Variants in TENM4 observed in about 807,000 individuals in gnomAD.
TENM4 encodes teneurin-4.
TENM4 carries 82 observed loss-of-function variants against 243.3 expected under a neutral mutation model. That is an observed-to-expected ratio of 0.34 (90% CI 0.28 to 0.40). TENM4 has a LOEUF of 0.40. Ranked by LOEUF, TENM4 falls within the 10% of genes least tolerant of loss-of-function variation. The pLI, the probability that TENM4 is intolerant of heterozygous loss-of-function variation, is 1.00. For synonymous variants in TENM4, 1,412 were observed against 1,456.3 expected, an observed-to-expected ratio of 0.97 and a Z score of 0.69; for missense variants, 3,138 against 3,673.3, an observed-to-expected ratio of 0.85 and a Z score of 3.77.
In TENM4 at chr11:79,098,073, A is replaced by T. The variant is rs1298621980; in HGVS notation, c.-65-28064T>A. 2.6e-5 allele frequency: 4 copies of T among 152,236 alleles called. No homozygotes were observed. In the South Asian group the frequency reaches 8.3e-4, roughly 32 times the overall value. 9.4% of individuals were successfully genotyped at this position (152,236 alleles called of 1,614,324 possible). On this transcript the variant is annotated intron_variant, in intron 4 of 33. Transcript: ENST00000278550. ...CCATAACTAATGAAGACTGCAAAGA[A>T]CTAAGTATAATCGTAAAAGTACATG... is the stretch of plus-strand genomic sequence containing the variant.
chr11:78,812,420 A>G, intron 13 of TENM4, 104 bp from the exon 14 acceptor site: 1 of 1,337,174 alleles, frequency 7.5e-7, no homozygotes, highest in Non-Finnish European at 1.0e-6. Context: ...CAGTAGCCTC[A>G]ACTGCTCTGC....
At chr11:79,149,285 T>C (rs1591316300) in intron 3 of TENM4, among the ~76,000 whole-genome samples, 1 of 152,142 alleles carries the variant, frequency 6.6e-6, no homozygotes, top group East Asian at 1.9e-4. Flanking sequence ...TGCACAACTC[T>C]GGGCTGGTTT....
intron 2 of TENM4, among the ~76,000 whole-genome samples, chr11:79,226,928 C>T (rs1025313077): frequency 5.9e-5 from 9 of 152,158 alleles, no homozygotes; most frequent in African/African-American, 1.2e-4. Flanking sequence ...GCTGAATGGA[C>T]GCTTTGCCAG....
intron 3 of TENM4, among the ~76,000 whole-genome samples, chr11:79,201,771 G>C (rs538864484): frequency 4.6e-5 from 7 of 152,308 alleles, no homozygotes; most frequent in African/African-American, 1.7e-4. Context: ...TTAGGGTGAA[G>C]GGAAACCACT....
chr11:79,378,764 T>C (rs1857940929), intron 1 of TENM4, among the ~76,000 whole-genome samples: 1 of 151,928 alleles, frequency 6.6e-6, no homozygotes, highest in African/African-American at 2.4e-5. Context: ...GCACCTGTTG[T>C]CCCAGATACT....
At chr11:78,793,183 C>T (rs762485966) in intron 15 of TENM4, among the ~76,000 whole-genome samples, 10 of 152,110 alleles carry the variant, frequency 6.6e-5, no homozygotes, top group African/African-American at 2.2e-4. Context: ...TGCCTTTCTC[C>T]GAAAGGGAAA....
At chr11:78,698,946 T>C (rs1379024111) in intron 28 of TENM4, among the ~76,000 whole-genome samples, 2 of 152,254 alleles carry the variant, frequency 1.3e-5, no homozygotes, top group Non-Finnish European at 2.9e-5. Context: ...TCTTTCTTAG[T>C]TCATTTCTTG....
chr11:79,053,201 G>A (rs2136944215), intron 6 of TENM4, among the ~76,000 whole-genome samples: 1 of 152,288 alleles, frequency 6.6e-6, no homozygotes, highest in South Asian at 2.1e-4. Flanking sequence ...CGGGACTTGA[G>A]GTTCTTGACA....
At chr11:78,757,697 C>A (rs75320851) in intron 18 of TENM4, among the ~76,000 whole-genome samples, 28 of 152,350 alleles carry the variant, frequency 1.8e-4, no homozygotes, top group African/African-American at 6.7e-4. Context: ...CTGGTGACTG[C>A]CTGGCTTTGG....
At chr11:79,419,770 C>G (rs1245337236) in intron 1 of TENM4, among the ~76,000 whole-genome samples, 1 of 152,176 alleles carries the variant, frequency 6.6e-6, no homozygotes, top group African/African-American at 2.4e-5. Flanking sequence ...ATCCACATCT[C>G]CACTCCTTGG....
chr11:78,777,590 T>C (rs1856762527), intron 17 of TENM4, among the ~76,000 whole-genome samples: 1 of 152,200 alleles, frequency 6.6e-6, no homozygotes, highest in African/African-American at 2.4e-5. Context: ...CACTTTGTAT[T>C]TGTTACTTCA....
chr11:79,398,968 C>G (rs1858403307), intron 1 of TENM4, among the ~76,000 whole-genome samples: 1 of 152,042 alleles, frequency 6.6e-6, no homozygotes, highest in Non-Finnish European at 1.5e-5. Flanking sequence ...AGGAACAGCA[C>G]AGCCGAGGCA....
chr11:78,799,365 G>C (rs912714556), intron 15 of TENM4, among the ~76,000 whole-genome samples: 1 of 152,236 alleles, frequency 6.6e-6, no homozygotes, highest in African/African-American at 2.4e-5. Context: ...GAGCAAGTGA[G>C]TTGTTTACGG....
chr11:79,321,378 T>A (rs772209109), intron 1 of TENM4, among the ~76,000 whole-genome samples: 7 of 152,088 alleles, frequency 4.6e-5, no homozygotes, highest in Non-Finnish European at 8.8e-5. Context: ...GCTTAATGCT[T>A]CTCCTCAGAG....
chr11:78,728,898 C>G (rs1855584007), intron 22 of TENM4, among the ~76,000 whole-genome samples: 1 of 151,766 alleles, frequency 6.6e-6, no homozygotes, highest in Non-Finnish European at 1.5e-5. Flanking sequence ...TACAAAGAGA[C>G]AGCAATAACA....
rs145645850 is a variant in TENM4 at position 79,199,947 on chromosome 11, C to T, written c.-163+15861G>A. Reference sequence around the variant, plus strand: ...CACCCAGCATTCTCTGCCCTTGCAGCATACAGGACAGCAGTGGCCTCACCA... The same window carrying T: ...CACCCAGCATTCTCTGCCCTTGCAGTATACAGGACAGCAGTGGCCTCACCA... On this transcript the variant is annotated intron_variant, in intron 3 of 33. Transcript: ENST00000278550. 2.0e-3 allele frequency among the ~76,000 whole-genome samples: 311 copies of T among 152,296 alleles called. 5 individuals carry two copies. The highest frequency in any genetic ancestry group is 0.012 in the East Asian group (62 of 5,172).
chr11:78,926,670 G>GT (rs965745140), intron 6 of TENM4, among the ~76,000 whole-genome samples: 27 of 133,192 alleles, frequency 2.0e-4, no homozygotes, highest in African/African-American at 8.7e-4. Context: ...AAATAAAGGT[G>GT]TTTTTTGTTT....
chr11:79,387,200 CCAAATCTATAGTATTCTAAGT>C (rs1385232060), intron 1 of TENM4, among the ~76,000 whole-genome samples: 1 of 152,060 alleles, frequency 6.6e-6, no homozygotes, highest in Non-Finnish European at 1.5e-5. Flanking sequence ...AATGGGCCAA[CCAAATCTATAGTATTCTAAGT>C]CTGGATAGCA....
chr11:78,951,346 G>T (rs972285821), intron 6 of TENM4, among the ~76,000 whole-genome samples: 1 of 152,196 alleles, frequency 6.6e-6, no homozygotes, highest in African/African-American at 2.4e-5. Flanking sequence ...ATGGACAGAT[G>T]AATGAATGAA....
Sources: gnomAD v4.1 joint callset for allele counts (sites outside exome capture counted in the v4.1 genomes callset) on GRCh38, gnomAD v4.1.1 for gene constraint, MANE v1.5 for transcripts, NCBI Gene and HGNC (gene_info 2026-07-23, HGNC 2026-07-21) for gene names.